The following LRRC4C variants were observed in gnomAD, a reference collection of about 807,000 sequenced individuals.
The protein encoded by LRRC4C is leucine-rich repeat-containing protein 4C.
In LRRC4C, 5 loss-of-function variants were observed where a neutral mutation model predicts 33.6. The ratio of observed to expected loss-of-function variants is 0.15; its 90% CI spans 0.08 to 0.31. The LOEUF (loss-of-function observed/expected upper bound fraction) is 0.31, where lower values mean the gene tolerates loss of function less well. LRRC4C is among the 10% of genes least tolerant of loss of function. LRRC4C has a pLI of 1.00. For synonymous variants in LRRC4C, 329 were observed against 302.0 expected, an observed-to-expected ratio of 1.09 and a Z score of -0.93; for missense variants, 560 against 796.7, an observed-to-expected ratio of 0.70 and a Z score of 3.58.
At chr11:40,158,773 G>A (rs1419437129) in intron 5 of LRRC4C, among the ~76,000 whole-genome samples, 1 of 152,076 alleles carries the variant, frequency 6.6e-6, no homozygotes. Context: ...TGTTTCAGAT[G>A]TTTAAACTGA....
chr11:41,357,178 C>T (rs1002403319), intron 1 of LRRC4C, among the ~76,000 whole-genome samples: 40 of 152,040 alleles, frequency 2.6e-4, no homozygotes, highest in Admixed American at 2.0e-3. Flanking sequence ...AGTAGCACTA[C>T]ATTAGTCATC....
intron 1 of LRRC4C, among the ~76,000 whole-genome samples, chr11:41,001,490 G>A (rs1172062258): frequency 6.6e-6 from 1 of 152,032 alleles, no homozygotes; most frequent in Non-Finnish European, 1.5e-5. Context: ...ACATGATAGA[G>A]TTCCAGACTA....
intron 2 of LRRC4C, among the ~76,000 whole-genome samples, chr11:40,929,135 C>A (rs1480292178): frequency 6.6e-6 from 1 of 152,168 alleles, no homozygotes; most frequent in Non-Finnish European, 1.5e-5. Context: ...GACACTTCCT[C>A]TTTAAAGTTG....
At chr11:41,113,616 G>A (rs539100898) in intron 1 of LRRC4C, among the ~76,000 whole-genome samples, 5 of 152,156 alleles carry the variant, frequency 3.3e-5, no homozygotes, top group African/African-American at 1.2e-4. Flanking sequence ...AGCAGACTGG[G>A]ATACCTTGGC....
At chr11:40,979,172 T>C (rs1852318828) in intron 1 of LRRC4C, among the ~76,000 whole-genome samples, 1 of 152,160 alleles carries the variant, frequency 6.6e-6, no homozygotes, top group African/African-American at 2.4e-5. Flanking sequence ...TTTGTTCCTT[T>C]TGCCATAAGT....
intron 3 of LRRC4C, among the ~76,000 whole-genome samples, chr11:40,625,370 A>C (rs4756611): frequency 0.43 from 65,944 of 151,702 alleles, 15,248 homozygotes; most frequent in Middle Eastern, 0.57. Context: ...AGGCCTCACT[A>C]ACATAAGGGA....
At chr11:40,240,576 T>G (rs1377108) in intron 5 of LRRC4C, among the ~76,000 whole-genome samples, 131,389 of 152,134 alleles carry the variant, frequency 0.86, 57,566 homozygotes, top group South Asian at 0.97. Context: ...GAAAGCTTTT[T>G]TAGTGGCCAT....
At chr11:40,514,920 A>G (rs1955502391) in intron 3 of LRRC4C, among the ~76,000 whole-genome samples, 1 of 152,170 alleles carries the variant, frequency 6.6e-6, no homozygotes. Context: ...TTATAAACCT[A>G]CCTATCTCAT....
At chr11:40,938,545 A>C (rs980330367) in intron 1 of LRRC4C, among the ~76,000 whole-genome samples, 6 of 152,262 alleles carry the variant, frequency 3.9e-5, no homozygotes, top group African/African-American at 1.4e-4. Context: ...GTGTTGTATA[A>C]ATGTATTTGA....
At chr11:41,040,966 C>T (rs1857393483) in intron 1 of LRRC4C, among the ~76,000 whole-genome samples, 1 of 152,124 alleles carries the variant, frequency 6.6e-6, no homozygotes, top group Non-Finnish European at 1.5e-5. Context: ...CAGATATACT[C>T]ACACCATCAC....
chr11:40,198,505 G>A (rs188587612), intron 5 of LRRC4C, among the ~76,000 whole-genome samples: 90 of 152,130 alleles, frequency 5.9e-4, no homozygotes, highest in Non-Finnish European at 1.1e-3. Context: ...ATGTCAAGAT[G>A]CACCATAGCA....
chr11:40,694,347 C>T (rs1945381542), intron 2 of LRRC4C, among the ~76,000 whole-genome samples: 1 of 152,088 alleles, frequency 6.6e-6, no homozygotes, highest in Non-Finnish European at 1.5e-5. Flanking sequence ...GCTTTCTTTC[C>T]TGGCTATTTC....
At chr11:40,303,695 C>T (rs150076658) in intron 4 of LRRC4C, among the ~76,000 whole-genome samples, 53 of 152,054 alleles carry the variant, frequency 3.5e-4, no homozygotes, top group Admixed American at 5.2e-4. Flanking sequence ...TTTTAAAATG[C>T]AAATATCTGA....
At chr11:40,743,375 T>C (rs1273812768) in intron 2 of LRRC4C, among the ~76,000 whole-genome samples, 1 of 152,028 alleles carries the variant, frequency 6.6e-6, no homozygotes, top group Non-Finnish European at 1.5e-5. Context: ...ACAACACAAA[T>C]GTATTATGGG....
rs112078254 is a variant in LRRC4C at position 40,772,350 on chromosome 11, C to G, written c.-406-124072G>C. Among the ~76,000 whole-genome samples the G allele has an allele frequency of 4.5e-3, 681 of 152,300 alleles. 6 individuals carry two copies. Among genetic ancestry groups the G allele is most frequent in the African/African-American group, 0.016 (659 of 41,568 alleles). Reference sequence around the variant, plus strand: ...GCTCCCAAGATCTAATTACTTCCCACGAGGTCCCTCTCCCAACACATGGTG... The same window carrying G: ...GCTCCCAAGATCTAATTACTTCCCAGGAGGTCCCTCTCCCAACACATGGTG... On this transcript the variant is annotated intron_variant, in intron 2 of 6. Transcript: ENST00000528697.
At chr11:41,347,174 T>C (rs2137531616) in intron 1 of LRRC4C, among the ~76,000 whole-genome samples, 1 of 152,338 alleles carries the variant, frequency 6.6e-6, no homozygotes, top group Middle Eastern at 3.4e-3. Flanking sequence ...GCAGGGTCCA[T>C]CAGAGGAAAC....
At chr11:40,289,608 C>A (rs1299059293) in intron 4 of LRRC4C, among the ~76,000 whole-genome samples, 1 of 152,142 alleles carries the variant, frequency 6.6e-6, no homozygotes, top group Non-Finnish European at 1.5e-5. Context: ...TCTGTCATGG[C>A]CCTAATTCTT....
chr11:41,308,809 CTT>C (rs887237352), intron 1 of LRRC4C, among the ~76,000 whole-genome samples: 5 of 142,618 alleles, frequency 3.5e-5, no homozygotes, highest in Admixed American at 7.0e-5. Context: ...CTCTTTTTTT[CTT>C]TTTTTTTTTT....
At chr11:40,206,720 A>G (rs1179259085) in intron 5 of LRRC4C, among the ~76,000 whole-genome samples, 1 of 152,206 alleles carries the variant, frequency 6.6e-6, no homozygotes, top group Non-Finnish European at 1.5e-5. Context: ...GGTGGGACAT[A>G]CAAGAGGGAT....
Sources: allele counts gnomAD v4.1 joint callset (sites outside exome capture counted in the v4.1 genomes callset), GRCh38; gene constraint gnomAD v4.1.1; transcripts MANE v1.5; gene names NCBI Gene and HGNC (gene_info 2026-07-23, HGNC 2026-07-21).